Variants in MDN1 observed in about 807,000 individuals in gnomAD.
The protein encoded by MDN1 is midasin.
MDN1 carries 266 observed loss-of-function variants against 669.2 expected under a neutral mutation model. That is an observed-to-expected ratio of 0.40 (90% confidence interval 0.36 to 0.44). MDN1 has a LOEUF of 0.44. Among genes scored for constraint, MDN1 ranks in the 20% least tolerant of loss-of-function variants. The pLI, the probability that MDN1 is intolerant of heterozygous loss-of-function variation, is 1.00. For synonymous variants in MDN1, 2,385 were observed against 2,457.1 expected (o/e 0.97, Z 0.87); for missense variants, 5,940 against 6,754.0 (o/e 0.88, Z 4.22).
At chr6:89,650,280 T>C (rs758437083) in intron 96 of MDN1, 82 bp from the exon 97 acceptor site, 27 of 1,316,742 alleles carry the variant, frequency 2.1e-5, no homozygotes, top group Admixed American at 6.7e-5. Context: ...ATCACAATAA[T>C]ACCTTAAAAC....
chr6:89,737,787 G>A (rs1466216696), intron 33 of MDN1, among the ~76,000 whole-genome samples: 6 of 148,344 alleles, frequency 4.0e-5, no homozygotes, highest in African/African-American at 1.5e-4. Flanking sequence ...GCAATGGCGC[G>A]ATCTTGGATC....
Position 89,680,783 on chromosome 6 carries a change from C to A in MDN1, c.12103-32G>T, listed in dbSNP as rs774195997. The A allele has an allele frequency of 2.5e-6, 4 of 1,602,310 alleles. No individual in the cohort carries two copies. The South Asian group carries it at 4.5e-5, about 18-fold the overall frequency. On this transcript the variant is annotated intron_variant, in intron 73 of 101. Coordinates refer to ENST00000369393, the MANE Select transcript of MDN1 (RefSeq NM_014611.3). ...GACAAAAGACAGGTTAGCCTCACTG[C>A]CAAGAATGACAGGCAGTGTCCCTGC... is the stretch of plus-strand genomic sequence containing the variant.
intron 1 of MDN1, among the ~76,000 whole-genome samples, chr6:89,807,465 T>C (rs552058118): frequency 2.0e-4 from 31 of 152,350 alleles, no homozygotes; most frequent in African/African-American, 7.2e-4. Flanking sequence ...TTTTTATCTT[T>C]GCTCCTCTAC....
chr6:89,663,566 AGATG>A (rs1429249565), intron 85 of MDN1, among the ~76,000 whole-genome samples: 1 of 152,216 alleles, frequency 6.6e-6, no homozygotes, highest in Non-Finnish European at 1.5e-5. Context: ...AACATATGAC[AGATG>A]ATGATGTACT....
At chr6:89,661,670 C>T in intron 87 of MDN1, 92 bp from the exon 88 acceptor site, 3 of 1,228,072 alleles carry the variant, frequency 2.4e-6, no homozygotes, top group South Asian at 1.6e-5. Context: ...TAAGTATTTA[C>T]ACTGTGAGAG....
intron 1 of MDN1, among the ~76,000 whole-genome samples, 172 bp from the exon 2 acceptor site, chr6:89,803,726 C>A (rs1009448207): frequency 6.6e-6 from 1 of 151,602 alleles, no homozygotes; most frequent in Non-Finnish European, 1.5e-5. Context: ...GGACTACAGG[C>A]GCCCGCCACC....
chr6:89,777,822 A>C (rs925011711), intron 11 of MDN1, among the ~76,000 whole-genome samples: 1 of 152,014 alleles, frequency 6.6e-6, no homozygotes, highest in Non-Finnish European at 1.5e-5. Context: ...TTCATCCCCA[A>C]CCAATCAGCA....
intron 37 of MDN1, 115 bp from the exon 38 acceptor site, chr6:89,725,511 C>G (rs1815157925): frequency 1.1e-6 from 1 of 882,560 alleles, no homozygotes; most frequent in Admixed American, 2.4e-5. Flanking sequence ...AAGGGAATTT[C>G]AAACAATATT....
chr6:89,740,929 ATGT>A (rs1169987149), intron 31 of MDN1, among the ~76,000 whole-genome samples: 2 of 152,218 alleles, frequency 1.3e-5, no homozygotes, highest in African/African-American at 4.8e-5. Context: ...AATGATGGAA[ATGT>A]TGTAAAACTG....
At chr6:89,743,433 T>C (rs1816398594) in intron 30 of MDN1, 143 bp downstream of exon 30, 1 of 1,342,170 alleles carries the variant, frequency 7.5e-7, no homozygotes, top group African/African-American at 1.5e-5. Flanking sequence ...AGAATGCTTG[T>C]GAAGGCCCTT....
Position 89,728,976 on chromosome 6 carries a change from C to T in MDN1, c.5304G>A (p.Lys1768=). The T allele has an allele frequency of 6.2e-7, 1 of 1,614,118 alleles. No individual in the cohort carries two copies. Among genetic ancestry groups the T allele is most frequent in the Non-Finnish European group, 8.5e-7 (1 of 1,179,992 alleles). ...GKTSLVGALA[K]ASGNTLVRIN... ...TTCTAACAAGGGTATTTCCTGAAGC[C>T]TTTGCTAATGCTCCCACCAAACTTG... is the stretch of plus-strand genomic sequence containing the variant. Residue 1768 remains lysine, a synonymous_variant, in exon 36 of 102, where the codon AAG becomes AAA. Transcript: ENST00000369393.
intron 5 of MDN1, among the ~76,000 whole-genome samples, chr6:89,791,487 A>G (rs1472106638): frequency 6.6e-6 from 1 of 152,230 alleles, no homozygotes; most frequent in Non-Finnish European, 1.5e-5. Flanking sequence ...AATGTGAGGT[A>G]GTCATGCAGA....
At chr6:89,649,475 G>C (rs1808705086) in intron 97 of MDN1, among the ~76,000 whole-genome samples, 1 of 152,134 alleles carries the variant, frequency 6.6e-6, no homozygotes. Context: ...CAGCATCACT[G>C]CCCAAAACAA....
In MDN1 at chr6:89,664,497, A is replaced by G. The variant is rs568194449; in HGVS notation, c.14226T>C (p.Leu4742=). 6.2e-7 allele frequency: 1 copy of G among 1,613,716 alleles called. No individual in the cohort carries two copies. The highest frequency in any genetic ancestry group is 1.1e-5 in the South Asian group (1 of 90,930). The change falls in exon 85 of 102, where the codon CTT becomes CTC. Residue 4742 remains leucine (L), a synonymous_variant. Transcript: ENST00000369393. ...CAGATAATCTGAAACCTTGTTCTTCAAGCTCCCCATCATGCATTTTCCCAT... is the reference window on the plus strand; with the variant it reads ...CAGATAATCTGAAACCTTGTTCTTCGAGCTCCCCATCATGCATTTTCCCAT... The part of the protein sequence containing the change: ...DFDGKMHDGE[L]EEQEEDDEKS...
At chr6:89,654,067 G>A in intron 93 of MDN1, 97 bp downstream of exon 93, 1 of 1,351,218 alleles carries the variant, frequency 7.4e-7, no homozygotes, top group Non-Finnish European at 1.0e-6. Context: ...CATGGATTAG[G>A]ACATGGAACT....
chr6:89,683,693 A>G (rs1167802706), intron 72 of MDN1, 138 bp downstream of exon 72: 2 of 675,272 alleles, frequency 3.0e-6, no homozygotes, highest in Non-Finnish European at 5.1e-6. Context: ...AGCAACATCA[A>G]AACAATCAAG....
At chr6:89,784,012 A>G (rs991886857) in intron 9 of MDN1, among the ~76,000 whole-genome samples, 3 of 151,814 alleles carry the variant, frequency 2.0e-5, no homozygotes. Context: ...AAAATGTAGG[A>G]AAAAATATTT....
chr6:89,704,266 G>A (rs527519155), intron 53 of MDN1, among the ~76,000 whole-genome samples: 144 of 152,004 alleles, frequency 9.5e-4, no homozygotes, highest in African/African-American at 3.4e-3. Flanking sequence ...CTGTAGTCCT[G>A]GCTACTCAGG....
Position 89,654,181 on chromosome 6 carries a change from C to A in MDN1, c.15644G>T (p.Gly5215Val), listed in dbSNP as rs774769606. The A allele has an allele frequency of 1.2e-6, 2 of 1,614,170 alleles. No homozygotes were observed. Among genetic ancestry groups the A allele is most frequent in the Non-Finnish European group, 1.7e-6 (2 of 1,180,014 alleles). ...EQLKPEEIKS[G>V]TTAPLGFDEM... Reference sequence around the variant, plus strand: ...GGACTCACCCAAGGGTGCTGTGGTGCCCGACTTGATTTCCTCTGGCTTCAG... The same window carrying A: ...GGACTCACCCAAGGGTGCTGTGGTGACCGACTTGATTTCCTCTGGCTTCAG... Residue 5215 changes from glycine to valine, a missense_variant, in exon 93 of 102, where the codon GGC becomes GTC. Gly to Val is a moderately radical substitution (Grantham distance 109). Around this residue, in one of 5 missense-constraint regions of MDN1, gnomAD observed 2,280 missense variants for 2,576.3 expected, o/e 0.88. Transcript: ENST00000369393.
Sources: allele counts gnomAD v4.1 joint callset (sites outside exome capture counted in the v4.1 genomes callset), GRCh38; gene constraint gnomAD v4.1.1; regional missense constraint gnomAD v4.1.1; transcripts MANE v1.5; gene names NCBI Gene and HGNC (gene_info 2026-07-23, HGNC 2026-07-21).